The following ROBO1 variants were observed in gnomAD, a reference collection of about 807,000 sequenced individuals.
The protein encoded by ROBO1 is roundabout homolog 1.
A neutral mutation model predicts 195.9 loss-of-function variants in ROBO1; 149 were observed. The observed-to-expected ratio is 0.76, with a 90% confidence interval of 0.67 to 0.87. The LOEUF is 0.87. ROBO1 is among the 40% of genes least tolerant of loss of function. The pLI, the probability that ROBO1 is intolerant of heterozygous loss-of-function variation, is 0.00. For synonymous variants in ROBO1, 816 were observed against 733.2 expected (o/e 1.11, Z -1.82); for missense variants, 1,933 against 2,068.3 (o/e 0.93, Z 1.27).
chr3:78,941,335 C>T (rs754867035), intron 3 of ROBO1, among the ~76,000 whole-genome samples: 2 of 152,060 alleles, frequency 1.3e-5, no homozygotes, highest in African/African-American at 4.8e-5. Flanking sequence ...TATGTTGAAG[C>T]CAAGTGAAAT....
chr3:79,630,090 T>C (rs1945293785), intron 1 of ROBO1, among the ~76,000 whole-genome samples: 1 of 151,998 alleles, frequency 6.6e-6, no homozygotes, highest in South Asian at 2.1e-4. Context: ...ACTAAAACTA[T>C]TCTAAAAACA....
At chr3:79,190,489 C>T (rs758197782) in intron 2 of ROBO1, among the ~76,000 whole-genome samples, 3 of 151,506 alleles carry the variant, frequency 2.0e-5, no homozygotes, top group East Asian at 1.9e-4. Context: ...ATTGGAGAGT[C>T]GGGCAGAAGG....
chr3:79,713,823 T>G (rs1475852023), intron 1 of ROBO1, among the ~76,000 whole-genome samples: 1 of 152,198 alleles, frequency 6.6e-6, no homozygotes, highest in African/African-American at 2.4e-5. Context: ...GCTAGCCAGT[T>G]TTCCCAGCAC....
chr3:79,103,500 T>A (rs2108514849), intron 3 of ROBO1, among the ~76,000 whole-genome samples: 1 of 151,950 alleles, frequency 6.6e-6, no homozygotes, highest in African/African-American at 2.4e-5. Flanking sequence ...GGATGTTTTT[T>A]GTTGAGTAAG....
At chr3:79,698,389 A>T (rs773414481) in intron 1 of ROBO1, among the ~76,000 whole-genome samples, 20 of 151,466 alleles carry the variant, frequency 1.3e-4, no homozygotes, top group Non-Finnish European at 1.5e-4. Flanking sequence ...AAGATAGGTA[A>T]GATAGATATA....
At chr3:79,245,214 A>G (rs984039993) in intron 2 of ROBO1, among the ~76,000 whole-genome samples, 6 of 152,104 alleles carry the variant, frequency 3.9e-5, no homozygotes, top group Non-Finnish European at 8.8e-5. Flanking sequence ...TCATCTGGAC[A>G]GAATAAGATT....
At chr3:79,170,956 A>G (rs1329325437) in intron 2 of ROBO1, among the ~76,000 whole-genome samples, 3 of 151,998 alleles carry the variant, frequency 2.0e-5, no homozygotes, top group Admixed American at 6.5e-5. Context: ...AATATCACGT[A>G]GCCATGTGCT....
rs575972184 is a variant in ROBO1 at position 79,444,694 on chromosome 3, T to A, written c.88+145130A>T. ...AGCTTGGTCCAAACTTTATTTTTTT[T>A]AAATAATGGCGAATCAAATGTACAT... On this transcript the variant is annotated intron_variant, in intron 2 of 30. Coordinates refer to ENST00000464233, the MANE Select transcript of ROBO1 (RefSeq NM_002941.4). Among the ~76,000 whole-genome samples, 15 of 152,194 alleles carry A rather than the reference T, an allele frequency of 9.9e-5. 1 individual carries two copies. The highest frequency in any genetic ancestry group is 8.3e-4 in the South Asian group (4 of 4,828).
rs371357534 is a variant in ROBO1, at chr3:78,799,636, C to T, written c.500-52736G>A. On this transcript the variant is annotated intron_variant, in intron 4 of 30. Transcript: ENST00000464233. ...GATTACAGGCGTGAGCCACCGCGCC[C>T]GGCCCTACTCTACCATTTTTGAATA... is the stretch of plus-strand genomic sequence containing the variant. Among the ~76,000 whole-genome samples the T allele has an allele frequency of 1.4e-4, 21 of 152,134 alleles. No individual in the cohort carries two copies. In the East Asian group the frequency reaches 2.9e-3, roughly 21 times the overall value.
Position 79,600,934 on chromosome 3 carries a change from T to A in ROBO1, c.-50-10973A>T, listed in dbSNP as rs527851648. Among the ~76,000 whole-genome samples the A allele has an allele frequency of 2.0e-5, 3 of 152,058 alleles. No homozygotes were observed. In the East Asian group the frequency reaches 5.8e-4, roughly 30 times the overall value. Reference sequence around the variant, plus strand: ...CAACTTACTATGCACCATCCTAAGATACAAAAATGAATGACAGTGCCTACT... The same window carrying A: ...CAACTTACTATGCACCATCCTAAGAAACAAAAATGAATGACAGTGCCTACT... On this transcript the variant is annotated intron_variant, in intron 1 of 30. Transcript: ENST00000464233.
At chr3:79,355,568 A>G (rs1373462906) in intron 2 of ROBO1, among the ~76,000 whole-genome samples, 1 of 151,538 alleles carries the variant, frequency 6.6e-6, no homozygotes, top group African/African-American at 2.4e-5. Flanking sequence ...CCTCCCTCCT[A>G]CCTCCTCTCC....
At chr3:78,704,664 A>AC in intron 8 of ROBO1, among the ~76,000 whole-genome samples, 1 of 148,546 alleles carries the variant, frequency 6.7e-6, no homozygotes, top group South Asian at 2.1e-4. Flanking sequence ...ATCTCTCCAA[A>AC]AAAAAAAAAA....
At chr3:79,691,249 G>A (rs1298088862) in intron 1 of ROBO1, among the ~76,000 whole-genome samples, 1 of 151,714 alleles carries the variant, frequency 6.6e-6, no homozygotes, top group East Asian at 1.9e-4. Flanking sequence ...GGATATCAGA[G>A]GAATTGGTAC....
chr3:79,668,877 A>C (rs1189223191), intron 1 of ROBO1, among the ~76,000 whole-genome samples: 1 of 151,918 alleles, frequency 6.6e-6, no homozygotes, highest in East Asian at 1.9e-4. Context: ...TGGCAAAGAG[A>C]GTATAGACGG....
chr3:79,439,215 G>C (rs1474112738), intron 2 of ROBO1, among the ~76,000 whole-genome samples: 1 of 151,926 alleles, frequency 6.6e-6, no homozygotes. Context: ...GTATAGTTCT[G>C]TTTACAAAGT....
chr3:79,663,129 A>G (rs1433370868), intron 1 of ROBO1, among the ~76,000 whole-genome samples: 1 of 152,094 alleles, frequency 6.6e-6, no homozygotes, highest in East Asian at 1.9e-4. Flanking sequence ...ACTATAGCTT[A>G]TCACTTATCA....
intron 2 of ROBO1, among the ~76,000 whole-genome samples, chr3:79,479,950 A>T (rs1041109883): frequency 6.6e-6 from 1 of 152,192 alleles, no homozygotes; most frequent in African/African-American, 2.4e-5. Context: ...TCCTTTTAAA[A>T]ATTCAATAGA....
intron 1 of ROBO1, among the ~76,000 whole-genome samples, chr3:79,759,600 T>C (rs540596952): frequency 1.3e-5 from 2 of 152,348 alleles, no homozygotes; most frequent in South Asian, 4.1e-4. Flanking sequence ...TCATTGAACA[T>C]GAGCAATTCA....
chr3:79,439,094 T>C (rs2038974698), intron 2 of ROBO1, among the ~76,000 whole-genome samples: 1 of 152,102 alleles, frequency 6.6e-6, no homozygotes. Context: ...CATTTAGTTA[T>C]GTTTCTCAGG....
Sources: gnomAD v4.1 joint callset for allele counts (sites outside exome capture counted in the v4.1 genomes callset) on GRCh38, gnomAD v4.1.1 for gene constraint, MANE v1.5 for transcripts, NCBI Gene and HGNC (gene_info 2026-07-23, HGNC 2026-07-21) for gene names.